The following RARS2 variants were observed in gnomAD, a reference collection of about 807,000 sequenced individuals.
RARS2 encodes the protein probable arginine--tRNA ligase, mitochondrial.
RARS2 carries 67 observed loss-of-function variants against 88.5 expected under a neutral mutation model. The observed-to-expected ratio is 0.76, with a 90% CI of 0.62 to 0.93. The LOEUF is 0.93. Ranked by LOEUF, RARS2 falls within the 40% of genes least tolerant of loss-of-function variation. The probability of loss-of-function intolerance (pLI) is 0.00; values close to 1 mark genes in which losing one functional copy is unlikely to be tolerated. For missense variants in RARS2, 664 were observed against 684.2 expected (o/e 0.97, Z 0.33); for synonymous variants, 239 against 230.3 (o/e 1.04, Z -0.34).
chr6:87,537,246 C>T (rs564297965), intron 8 of RARS2, among the ~76,000 whole-genome samples: 2 of 152,306 alleles, frequency 1.3e-5, no homozygotes, highest in East Asian at 3.9e-4. Context: ...AATTGTGTCC[C>T]TGGTATAGCA....
chr6:87,516,757 A>G (rs745556339), intron 18 of RARS2, 49 bp downstream of exon 18: 27 of 1,605,758 alleles, frequency 1.7e-5, no homozygotes, highest in Non-Finnish European at 1.7e-5. Flanking sequence ...AGATGAAAGA[A>G]AGGTCTCAAA....
At chr6:87,524,444 A>G (rs990875577) in intron 11 of RARS2, 113 bp downstream of exon 11, 1 of 877,430 alleles carries the variant, frequency 1.1e-6, no homozygotes, top group East Asian at 2.4e-5. Flanking sequence ...TACAGTTTAT[A>G]GAATAATGTC....
In RARS2 at chr6:87,580,773, T is replaced by C. The variant is rs79297622; in HGVS notation, c.36+9149A>G. ...GCACCTGGCCTTTTATTTATTTATTTATTTGCTTACTTATTTTTAAGAGGA... is the reference window on the plus strand; with the variant it reads ...GCACCTGGCCTTTTATTTATTTATTCATTTGCTTACTTATTTTTAAGAGGA... On this transcript the variant is annotated intron_variant, in intron 1 of 19. Transcript: ENST00000369536. Among the ~76,000 whole-genome samples the C allele has an allele frequency of 6.2e-4, 94 of 152,038 alleles. 3 individuals carry two copies. The East Asian group carries it at 0.018, about 29-fold the overall frequency.
chr6:87,516,515 A>G (rs1354519166), intron 18 of RARS2, among the ~76,000 whole-genome samples: 1 of 152,174 alleles, frequency 6.6e-6, no homozygotes, highest in African/African-American at 2.4e-5. Flanking sequence ...TGATCGCTCA[A>G]GGCTGGGCTG....
At chr6:87,528,448 G>C (rs937598442) in intron 10 of RARS2, among the ~76,000 whole-genome samples, 1 of 152,160 alleles carries the variant, frequency 6.6e-6, no homozygotes, top group East Asian at 1.9e-4. Context: ...GTATGTCCAA[G>C]TGAAATCTGC....
chr6:87,562,189 A>C (rs917011972), intron 4 of RARS2, among the ~76,000 whole-genome samples: 17 of 152,162 alleles, frequency 1.1e-4, no homozygotes, highest in African/African-American at 4.1e-4. Context: ...TTCCGGGCTC[A>C]AGTGATCCTC....
intron 12 of RARS2, among the ~76,000 whole-genome samples, chr6:87,521,127 A>AAT (rs1320509481): frequency 6.6e-6 from 1 of 152,250 alleles, no homozygotes; most frequent in Non-Finnish European, 1.5e-5. Context: ...TCTTGTGAGT[A>AAT]TTAAATTACT....
intron 10 of RARS2, among the ~76,000 whole-genome samples, chr6:87,527,525 A>G (rs886431217): frequency 6.6e-6 from 1 of 152,204 alleles, no homozygotes. Context: ...CTCAAAGCAT[A>G]GGCAACAAAA....
At chr6:87,575,809 T>C (rs1771289690) in intron 1 of RARS2, among the ~76,000 whole-genome samples, 1 of 151,848 alleles carries the variant, frequency 6.6e-6, no homozygotes, top group East Asian at 1.9e-4. Context: ...CCATGCATCA[T>C]TGTGGATAAA....
intron 17 of RARS2, among the ~76,000 whole-genome samples, chr6:87,517,913 C>T (rs1772355398): frequency 6.6e-6 from 1 of 152,142 alleles, no homozygotes; most frequent in African/African-American, 2.4e-5. Context: ...TTTATGTGAG[C>T]TAGAGGCAGC....
chr6:87,514,562 G>T, intron 19 of RARS2, 63 bp from the exon 20 acceptor site: 2 of 1,365,068 alleles, frequency 1.5e-6, no homozygotes, highest in Non-Finnish European at 2.1e-6. Flanking sequence ...CAATACATGA[G>T]AATGGTTTTA....
At chr6:87,528,872 A>C (rs947442068) in intron 10 of RARS2, among the ~76,000 whole-genome samples, 3 of 152,208 alleles carry the variant, frequency 2.0e-5, no homozygotes, top group Admixed American at 6.5e-5. Context: ...GTAGATTTTA[A>C]ATGTTCTCAT....
chr6:87,552,076 G>A (rs773200194), intron 5 of RARS2, among the ~76,000 whole-genome samples: 34 of 151,968 alleles, frequency 2.2e-4, no homozygotes, highest in Admixed American at 1.2e-3. Flanking sequence ...TACGTACCAG[G>A]GAGGCAGTAA....
intron 8 of RARS2, among the ~76,000 whole-genome samples, chr6:87,536,902 G>T (rs1005311074): frequency 2.0e-5 from 3 of 152,140 alleles, no homozygotes; most frequent in Admixed American, 6.5e-5. Flanking sequence ...AAAATCCTAG[G>T]TCCCACGTAC....
At chr6:87,543,364 G>A (rs911305135) in intron 7 of RARS2, among the ~76,000 whole-genome samples, 4 of 151,762 alleles carry the variant, frequency 2.6e-5, no homozygotes, top group Non-Finnish European at 4.4e-5. Context: ...CTTATTGGCC[G>A]GGGGTGATGA....
chr6:87,533,095 T>C lies in RARS2; in HGVS notation c.613-2153A>G, dbSNP rs1361526306. Among the ~76,000 whole-genome samples, 8 of 152,202 alleles carry C rather than the reference T, an allele frequency of 5.3e-5. 1 individual carries two copies. Among genetic ancestry groups the C allele is most frequent in the Admixed American group, 5.2e-4 (8 of 15,276 alleles). ...ATGTCTTTATTTTCACAAAAGAGTTTAGTTTCTTTTTTTTTTCATAAAGCC... is the reference window on the plus strand; with the variant it reads ...ATGTCTTTATTTTCACAAAAGAGTTCAGTTTCTTTTTTTTTTCATAAAGCC... On this transcript the variant is annotated intron_variant, in intron 8 of 19. Coordinates refer to ENST00000369536, the MANE Select transcript of RARS2 (RefSeq NM_020320.5).
chr6:87,555,358 T>C (rs1187232812), intron 5 of RARS2, 50 bp downstream of exon 5: 1 of 1,413,628 alleles, frequency 7.1e-7, no homozygotes. Flanking sequence ...ATAACACTCC[T>C]CTGCCCAGTC....
intron 11 of RARS2, 74 bp downstream of exon 11, chr6:87,524,479 ATAAT>A (rs1359331117): frequency 9.0e-7 from 1 of 1,105,974 alleles, no homozygotes; most frequent in Non-Finnish European, 1.4e-6. Flanking sequence ...CCGATAATGC[ATAAT>A]TAATTGTACA....
chr6:87,548,555 G>A (rs1267037391), intron 6 of RARS2, 36 bp downstream of exon 6: 8 of 1,584,522 alleles, frequency 5.0e-6, no homozygotes, highest in Non-Finnish European at 6.9e-6. Context: ...TTCCTCAAAG[G>A]AACGTTTAGC....
Sources: gnomAD v4.1 joint callset for allele counts (sites outside exome capture counted in the v4.1 genomes callset) on GRCh38, gnomAD v4.1.1 for gene constraint, MANE v1.5 for transcripts, NCBI Gene and HGNC (gene_info 2026-07-23, HGNC 2026-07-21) for gene names.